ATP6V1C1: variants seen among roughly 807,000 people sequenced by gnomAD.
ATP6V1C1 encodes ATPase H+ transporting V1 subunit C1, also known as V-type proton ATPase subunit C 1.
A neutral mutation model predicts 53.9 loss-of-function variants in ATP6V1C1; 45 were observed. The ratio of observed to expected loss-of-function variants is 0.83; its 90% CI spans 0.66 to 1.07. The LOEUF (loss-of-function observed/expected upper bound fraction) is 1.07, where lower values mean the gene tolerates loss of function less well. ATP6V1C1 is among the 50% of genes least tolerant of loss of function. The pLI is 0.00. For synonymous variants in ATP6V1C1, 153 were observed against 155.2 expected (o/e 0.99, Z 0.11); for missense variants, 315 against 440.3 (o/e 0.72, Z 2.55).
rs1404558124 is a variant in ATP6V1C1, at chr8:103,063,154, C to T, written c.754C>T (p.Gln252Ter). The T allele has an allele frequency of 1.9e-5, 31 of 1,612,828 alleles. No homozygotes were observed. Among genetic ancestry groups the T allele is most frequent in the Non-Finnish European group, 2.5e-5 (30 of 1,179,410 alleles). ...RENKFIVRDF[Q>*]YNEEEMKADK... is the part of the protein sequence containing the mutation. ...ATTTAGATTCATTGTTCGTGACTTCCAGTATAATGAAGAGGAGATGAAAGC... is the reference window on the plus strand; with the variant it reads ...ATTTAGATTCATTGTTCGTGACTTCTAGTATAATGAAGAGGAGATGAAAGC... The change falls in exon 10 of 13, where the codon CAG becomes TAG. Residue 252 changes from glutamine to a stop codon, truncating the protein, a stop_gained. Coordinates refer to ENST00000518738, the MANE Select transcript of ATP6V1C1 (RefSeq NM_001695.5). LOFTEE classifies it high-confidence loss of function.
chr8:103,032,665 A>G (rs1032255667), intron 1 of ATP6V1C1, among the ~76,000 whole-genome samples: 3 of 152,036 alleles, frequency 2.0e-5, no homozygotes, highest in Non-Finnish European at 4.4e-5. Context: ...TTTAGTAGAG[A>G]CAGGGTTTCA....
At chr8:103,066,765 A>G (rs2458273) in intron 12 of ATP6V1C1, among the ~76,000 whole-genome samples, 5,936 of 152,304 alleles carry the variant, frequency 0.039, 131 homozygotes, top group East Asian at 0.046. Flanking sequence ...AGAGAGGAAG[A>G]AAATAAGCAG....
At chr8:103,049,393 G>A (rs1282157983) in intron 4 of ATP6V1C1, among the ~76,000 whole-genome samples, 1 of 152,080 alleles carries the variant, frequency 6.6e-6, no homozygotes, top group African/African-American at 2.4e-5. Context: ...TAATTTTATT[G>A]CAGAATAGTG....
chr8:103,048,501 A>G (rs911529453), intron 3 of ATP6V1C1, among the ~76,000 whole-genome samples: 3 of 152,218 alleles, frequency 2.0e-5, no homozygotes, highest in Non-Finnish European at 4.4e-5. Flanking sequence ...AACATAGTGA[A>G]TGCTAGTTCT....
intron 8 of ATP6V1C1, among the ~76,000 whole-genome samples, chr8:103,058,156 C>T (rs911800614): frequency 6.6e-6 from 1 of 152,212 alleles, no homozygotes; most frequent in Non-Finnish European, 1.5e-5. Flanking sequence ...AGATTTAGAT[C>T]TTTGGACAGT....
At chr8:103,047,430 G>GCGCGCGCACACACACACACACACACACA (rs1491170438) in intron 3 of ATP6V1C1, among the ~76,000 whole-genome samples, 1 of 104,948 alleles carries the variant, frequency 9.5e-6, no homozygotes, top group African/African-American at 3.5e-5. Flanking sequence ...AAATGCGCGC[G>GCGCGCGCACACACACACACACACACACA]CACACACACA....
rs1325240352 is a variant in ATP6V1C1 at position 103,066,370 on chromosome 8, A to G, written c.976A>G (p.Lys326Glu). 6.2e-7 allele frequency: 1 copy of G among 1,613,480 alleles called. No individual in the cohort carries two copies. Among genetic ancestry groups the G allele is most frequent in the Non-Finnish European group, 8.5e-7 (1 of 1,179,904 alleles). Reference sequence around the variant, plus strand: ...AGCAATGCTACTTCAGCCCAATAAGAAAACTTTGAAGAAACTGAGAGAAGT... The same window carrying G: ...AGCAATGCTACTTCAGCCCAATAAGGAAACTTTGAAGAAACTGAGAGAAGT... ...FQAMLLQPNK[K>E]TLKKLREVLH... Residue 326 changes from lysine to glutamate, a missense_variant, in exon 12 of 13, where the codon AAA (lysine) becomes GAA (glutamate). Physicochemically the swap from Lys to Glu is moderately conservative, Grantham distance 56. Coordinates refer to ENST00000518738, the MANE Select transcript of ATP6V1C1 (RefSeq NM_001695.5).
In ATP6V1C1 at chr8:103,066,216, C is replaced by G. The variant is rs149599487; in HGVS notation, c.927-105C>G. On this transcript the variant is annotated intron_variant, in intron 11 of 12. Coordinates refer to ENST00000518738, the MANE Select transcript of ATP6V1C1 (RefSeq NM_001695.5). Reference sequence around the variant, plus strand: ...TTGTAAAGGTAAAGGGAGATATTCTCTCCCCGTTAACCATGATTAAAGAGT... The same window carrying G: ...TTGTAAAGGTAAAGGGAGATATTCTGTCCCCGTTAACCATGATTAAAGAGT... 2.8e-4 allele frequency: 373 copies of G among 1,325,012 alleles called. 1 individual carries two copies. In the African/African-American group the frequency reaches 3.7e-3, roughly 13 times the overall value. The allele number at this position is 1,325,012 out of a possible 1,614,324, so 82.1% of individuals were successfully genotyped here.
intron 8 of ATP6V1C1, among the ~76,000 whole-genome samples, chr8:103,060,547 A>C (rs1277119153): frequency 6.6e-6 from 1 of 152,170 alleles, no homozygotes; most frequent in Non-Finnish European, 1.5e-5. Context: ...ATACCTGGAG[A>C]TCAGGAAATG....
At chr8:103,064,500 G>A (rs1001136185) in intron 10 of ATP6V1C1, 11 of 377,692 alleles carry the variant, frequency 2.9e-5, no homozygotes, top group African/African-American at 2.3e-4. Flanking sequence ...GCATTTTAGT[G>A]TCTGTTGAGA....
At chr8:103,047,145 T>C (rs1030124095) in intron 3 of ATP6V1C1, among the ~76,000 whole-genome samples, 1 of 152,174 alleles carries the variant, frequency 6.6e-6, no homozygotes, top group Non-Finnish European at 1.5e-5. Context: ...ACATCATTAT[T>C]TCTGAAATTG....
chr8:103,052,605 A>C, intron 5 of ATP6V1C1, 126 bp from the exon 6 acceptor site: 1 of 426,172 alleles, frequency 2.3e-6, no homozygotes. Context: ...TTAAAATAAT[A>C]GAATATTCTT....
chr8:103,040,500 T>C (rs984467923), intron 1 of ATP6V1C1, among the ~76,000 whole-genome samples: 4 of 152,200 alleles, frequency 2.6e-5, no homozygotes, highest in Admixed American at 1.3e-4. Flanking sequence ...GGCTGGTATT[T>C]TGGGTAATCT....
At chr8:103,034,375 G>T (rs1224909798) in intron 1 of ATP6V1C1, among the ~76,000 whole-genome samples, 1 of 152,108 alleles carries the variant, frequency 6.6e-6, no homozygotes, top group Non-Finnish European at 1.5e-5. Flanking sequence ...GGAGAAGGTG[G>T]TGTCAGGTTC....
At chr8:103,048,992 T>C (rs964335174) in intron 4 of ATP6V1C1, 37 bp downstream of exon 4, 2 of 1,571,770 alleles carry the variant, frequency 1.3e-6, no homozygotes, top group Non-Finnish European at 8.7e-7. Flanking sequence ...TATTAACTCA[T>C]ACAAAGCAAA....
chr8:103,034,423 A>G (rs1160123008), intron 1 of ATP6V1C1, among the ~76,000 whole-genome samples: 3 of 150,782 alleles, frequency 2.0e-5, no homozygotes, highest in Admixed American at 6.8e-5. Context: ...AATTTTGACA[A>G]TTTGTTTCCT....
intron 8 of ATP6V1C1, among the ~76,000 whole-genome samples, chr8:103,056,862 C>T (rs1817296848): frequency 6.6e-6 from 1 of 152,152 alleles, no homozygotes; most frequent in African/African-American, 2.4e-5. Context: ...GAAATATTTT[C>T]TTTTCCAGTT....
At chr8:103,056,231 G>A (rs950452406) in intron 8 of ATP6V1C1, among the ~76,000 whole-genome samples, 3 of 152,106 alleles carry the variant, frequency 2.0e-5, no homozygotes. Context: ...CTTTGGTGTG[G>A]TACTTTTTCT....
chr8:103,024,357 A>G (rs1816659272), intron 1 of ATP6V1C1, among the ~76,000 whole-genome samples: 1 of 152,184 alleles, frequency 6.6e-6, no homozygotes, highest in Non-Finnish European at 1.5e-5. Flanking sequence ...TTTTCAACCT[A>G]AAAAGAAACT....
Sources: allele counts gnomAD v4.1 joint callset (sites outside exome capture counted in the v4.1 genomes callset), GRCh38; gene constraint gnomAD v4.1.1; transcripts MANE v1.5; gene names NCBI Gene and HGNC (gene_info 2026-07-23, HGNC 2026-07-21).